The following MEI1 variants were observed in gnomAD, a reference collection of about 807,000 sequenced individuals.
The protein encoded by MEI1 is meiotic double-stranded break formation protein 1.
Under a neutral mutation model 146.2 loss-of-function variants are expected in MEI1, and 103 were observed. That is an observed-to-expected ratio of 0.70 (90% confidence interval 0.60 to 0.83). MEI1 has a LOEUF of 0.83. Ranked by LOEUF, MEI1 falls within the 40% of genes least tolerant of loss-of-function variation. The pLI is 0.00. For missense variants in MEI1, 1,529 were observed against 1,533.0 expected, an observed-to-expected ratio of 1.00 and a Z score of 0.04; for synonymous variants, 652 against 628.2, an observed-to-expected ratio of 1.04 and a Z score of -0.57.
intron 26 of MEI1, among the ~76,000 whole-genome samples, chr22:41,789,574 A>G (rs2076103633): frequency 6.6e-6 from 1 of 152,168 alleles, no homozygotes; most frequent in Admixed American, 6.6e-5. Flanking sequence ...AACTTTCACC[A>G]TCATCCATCT....
rs1383051110 is a variant in MEI1, at chr22:41,784,590, G to A, written c.3170-18G>A. 2 of 1,609,648 alleles carry A rather than the reference G, an allele frequency of 1.2e-6. No individual in the cohort carries two copies. The highest frequency in any genetic ancestry group is 1.7e-6 in the Non-Finnish European group (2 of 1,179,112). On this transcript the variant is annotated intron_variant, in intron 25 of 30. Coordinates refer to ENST00000401548, the MANE Select transcript of MEI1 (RefSeq NM_152513.4). ...GGAAGGAGACAGGAATTGGGTGTAA[G>A]GAATCTCCTGCTTCCAGCTGCCATC...
At chr22:41,782,886 C>G (rs964612192) in intron 24 of MEI1, among the ~76,000 whole-genome samples, 2 of 152,142 alleles carry the variant, frequency 1.3e-5, no homozygotes, top group Non-Finnish European at 2.9e-5. Context: ...TGCCCTAACT[C>G]AGGCCTGATC....
intron 6 of MEI1, among the ~76,000 whole-genome samples, chr22:41,721,172 C>T (rs1480482149): frequency 2.0e-5 from 3 of 150,780 alleles, no homozygotes; most frequent in Admixed American, 6.6e-5. Flanking sequence ...CTCGGCCTCC[C>T]CAGGATATGT....
intron 11 of MEI1, among the ~76,000 whole-genome samples, chr22:41,742,525 C>T (rs73426970): frequency 0.012 from 1,787 of 152,298 alleles, 31 homozygotes; most frequent in African/African-American, 0.04. Flanking sequence ...GTTTGGCATA[C>T]ATTATCGAAT....
chr22:41,728,148 A>G (rs981686762), intron 7 of MEI1, among the ~76,000 whole-genome samples: 1 of 152,170 alleles, frequency 6.6e-6, no homozygotes, highest in African/African-American at 2.4e-5. Flanking sequence ...ATCAGCGTTC[A>G]GTTGAAAAAA....
At chr22:41,729,143 C>T (rs5758437) in intron 7 of MEI1, among the ~76,000 whole-genome samples, 112,772 of 138,448 alleles carry the variant, frequency 0.81, 46,781 homozygotes, top group African/African-American at 0.94. Flanking sequence ...CCAGCCTGGG[C>T]GACAGAGTGA....
chr22:41,730,656 G>A lies in MEI1; in HGVS notation c.1096+19G>A, dbSNP rs781750811. The stretch of plus-strand genomic sequence containing the variant: ...GTGTATGGTTGGTAGTAAGGGTCCT[G>A]TACTAGCTTTGGGTTGGGTGGACGG... On this transcript the variant is annotated intron_variant, in intron 9 of 30. Coordinates refer to ENST00000401548, the MANE Select transcript of MEI1 (RefSeq NM_152513.4). The A allele has an allele frequency of 2.6e-6, 4 of 1,560,076 alleles. No individual in the cohort carries two copies. The highest frequency in any genetic ancestry group is 1.8e-6 in the Non-Finnish European group (2 of 1,130,870).
At chr22:41,753,813 C>G (rs2073926742) in intron 16 of MEI1, 136 bp from the exon 17 acceptor site, 2 of 679,190 alleles carry the variant, frequency 2.9e-6, no homozygotes, top group South Asian at 3.4e-5. Flanking sequence ...TTAAGACCTC[C>G]TCTGCCACGG....
At position 41,745,881 on chromosome 22, in the gene MEI1, T is replaced by G; in HGVS notation, c.1539-4T>G. On this transcript the variant is annotated splice_region_variant and splice_polypyrimidine_tract_variant and intron_variant, in intron 13 of 30. Coordinates refer to ENST00000401548, the MANE Select transcript of MEI1 (RefSeq NM_152513.4). ...GTGGATATACTCACACATTGATTTC[T>G]TAGGTTGGCTATAGAATTCCAGAGT... 1 of 1,604,898 alleles carries G rather than the reference T, an allele frequency of 6.2e-7. No homozygotes were observed. The highest frequency in any genetic ancestry group is 8.5e-7 in the Non-Finnish European group (1 of 1,173,264).
chr22:41,737,635 G>C (rs1308741646), intron 11 of MEI1, among the ~76,000 whole-genome samples: 2 of 151,902 alleles, frequency 1.3e-5, no homozygotes, highest in Non-Finnish European at 1.5e-5. Flanking sequence ...TCTGCCTTCT[G>C]GGTTCAAGCA....
At position 41,699,585 on chromosome 22, in the gene MEI1, G is replaced by A. The variant is rs1410741917; in HGVS notation, c.47G>A (p.Arg16Lys). ...AATAGTPGPRREEEAALLFER... is the reference protein window; with the variant it reads ...AATAGTPGPRKEEEAALLFER... ...ACGGCGGGCACTCCCGGGCCCAGGA[G>A]AGAGGAAGAGGCGGCGCTTCTATTC... The change falls in exon 1 of 31, where the codon AGA (arginine) becomes AAA (lysine). Residue 16 changes from arginine to lysine, a missense_variant. Transcript: ENST00000401548. 1 of 1,612,928 alleles carries A rather than the reference G, an allele frequency of 6.2e-7. No individual in the cohort carries two copies. The highest frequency in any genetic ancestry group is 1.1e-5 in the South Asian group (1 of 91,040).
At position 41,748,088 on chromosome 22, in the gene MEI1, C is replaced by G. The variant is rs1252109522; in HGVS notation, c.1681-19C>G. Reference sequence around the variant, plus strand: ...GCTCAGTCCCCGTGGGCTGTGTTCTCTCTCCTGGTTCTTTGCAGAGACACT... The same window carrying G: ...GCTCAGTCCCCGTGGGCTGTGTTCTGTCTCCTGGTTCTTTGCAGAGACACT... On this transcript the variant is annotated intron_variant, in intron 14 of 30. Transcript: ENST00000401548. 1 of 1,583,960 alleles carries G rather than the reference C, an allele frequency of 6.3e-7. No homozygotes were observed. The highest frequency in any genetic ancestry group is 2.2e-5 in the East Asian group (1 of 44,728).
chr22:41,795,564 T>C lies in MEI1; in HGVS notation c.3666+22T>C, dbSNP rs1278644514. 1.9e-6 allele frequency: 3 copies of C among 1,613,410 alleles called. No individual in the cohort carries two copies. The highest frequency in any genetic ancestry group is 1.3e-5 in the African/African-American group (1 of 74,898). On this transcript the variant is annotated intron_variant, in intron 29 of 30. Coordinates refer to ENST00000401548, the MANE Select transcript of MEI1 (RefSeq NM_152513.4). The surrounding 1 kb of genome is among the most constrained non-coding windows in gnomAD (Gnocchi z 4.2). ...GCAGGTGGGTGGGAAGGGGAGGCCA[T>C]GCAGCCACTGTAAAGCTAGACCCTC...
At chr22:41,717,098 A>C (rs563131030) in intron 5 of MEI1, among the ~76,000 whole-genome samples, 38 of 152,260 alleles carry the variant, frequency 2.5e-4, no homozygotes, top group Admixed American at 3.9e-4. Context: ...GTGAAATGCA[A>C]ATAAATATCT....
At chr22:41,762,236 T>TTTTC (rs747632074) in intron 18 of MEI1, among the ~76,000 whole-genome samples, 5 of 152,102 alleles carry the variant, frequency 3.3e-5, no homozygotes, top group Non-Finnish European at 5.9e-5. Context: ...TTTCGCTTTC[T>TTTTC]TTTCTTTCTT....
At chr22:41,700,172 C>T (rs2068589071) in intron 1 of MEI1, among the ~76,000 whole-genome samples, 2 of 152,182 alleles carry the variant, frequency 1.3e-5, no homozygotes, top group South Asian at 4.1e-4. Context: ...CTTCAGCTGT[C>T]GGGGTGTGAA....
At chr22:41,789,357 T>C (rs1026298334) in intron 26 of MEI1, among the ~76,000 whole-genome samples, 3 of 152,058 alleles carry the variant, frequency 2.0e-5, no homozygotes, top group Non-Finnish European at 4.4e-5. Flanking sequence ...AGAGATGATA[T>C]CTCACTATGT....
chr22:41,752,449 A>G (rs1317028166), intron 15 of MEI1, 142 bp from the exon 16 acceptor site: 2 of 713,110 alleles, frequency 2.8e-6, no homozygotes, highest in Non-Finnish European at 4.8e-6. Flanking sequence ...CCGGAGTGAA[A>G]CTACTAGACA....
Position 41,785,204 on chromosome 22 carries a change from G to T in MEI1, c.3345+421G>T, listed in dbSNP as rs958601552. ...CCTGCCTCCGCCTCCCAAAGTGCTG[G>T]GATTACAGACGTGAGCCACCGCGCC... On this transcript the variant is annotated intron_variant, in intron 26 of 30. Transcript: ENST00000401548. Among the ~76,000 whole-genome samples the T allele has an allele frequency of 1.1e-4, 17 of 151,312 alleles. No homozygotes were observed. The East Asian group carries it at 3.3e-3, about 29-fold the overall frequency.
Sources: allele counts gnomAD v4.1 joint callset (sites outside exome capture counted in the v4.1 genomes callset), GRCh38; gene constraint gnomAD v4.1.1; non-coding constraint Gnocchi (gnomAD v3.1); transcripts MANE v1.5; gene names NCBI Gene and HGNC (gene_info 2026-07-23, HGNC 2026-07-21).